Variants in SMIM29 observed in about 807,000 individuals in gnomAD.
The protein encoded by SMIM29 is small integral membrane protein 29.
Under a neutral mutation model 12.9 loss-of-function variants are expected in SMIM29, and 4 were observed. The observed-to-expected ratio is 0.31, with a 90% CI of 0.15 to 0.71. The LOEUF is 0.71. SMIM29 is among the 30% of genes least tolerant of loss of function. SMIM29 has a pLI of 0.70. For missense variants in SMIM29, 122 were observed against 138.1 expected (o/e 0.88, Z 0.58); for synonymous variants, 50 against 52.0 (o/e 0.96, Z 0.17).
intron 3 of SMIM29, 63 bp from the exon 4 acceptor site, chr6:34,247,212 G>A: frequency 6.8e-7 from 1 of 1,462,844 alleles, no homozygotes; most frequent in Non-Finnish European, 9.0e-7. Flanking sequence ...ACACCTGGCT[G>A]CCTCGTCTCC....
rs760927465 is a variant in SMIM29 at position 34,246,627 on chromosome 6, G to T, written c.*176C>A. The stretch of plus-strand genomic sequence containing the variant: ...ACACCCACAAAGGGCAGAAGGCCTG[G>T]GGGCAGTGAGGTGATGGTGAGGGCA... On this transcript the variant is annotated 3_prime_UTR_variant, in exon 5 of 5. Coordinates refer to ENST00000476320, the MANE Select transcript of SMIM29 (RefSeq NM_001008703.4). 1.4e-5 allele frequency: 22 copies of T among 1,613,818 alleles called. No homozygotes were observed. The African/African-American group carries it at 2.7e-4, about 20-fold the overall frequency.
Position 34,246,428 on chromosome 6 carries a change from C to T in SMIM29, c.*375G>A, listed in dbSNP as rs1039910002. On this transcript the variant is annotated 3_prime_UTR_variant, in exon 5 of 5. Transcript: ENST00000476320. ...AAACATTTTATTTACAAAATATATA[C>T]TGAATACTATACATCTGGCCCCATC... 7.2e-6 allele frequency: 10 copies of T among 1,393,262 alleles called. No homozygotes were observed. The East Asian group carries it at 7.3e-5, about 10-fold the overall frequency. The allele number at this position is 1,393,262 out of a possible 1,614,324, so 86.3% of individuals were successfully genotyped here. A position where few individuals can be genotyped will look rare whatever the true frequency, so the allele number is the denominator to read the frequency against.
rs557251983 is a variant in SMIM29 at position 34,247,851 on chromosome 6, C to T, written c.-60G>A. On this transcript the variant is annotated 5_prime_UTR_variant, in exon 2 of 5. Transcript: ENST00000476320. ...GGGCAGTGGCGCTTCGGGAGGGCGC[C>T]TCCACTGGGCTCCCTGGGAAGGAGG... 7.9e-7 allele frequency: 1 copy of T among 1,260,298 alleles called. No individual in the cohort carries two copies. Among genetic ancestry groups the T allele is most frequent in the Admixed American group, 4.0e-5 (1 of 24,998 alleles). The allele number at this position is 1,260,298 out of a possible 1,614,324, so 78.1% of individuals were successfully genotyped here.
At chr6:34,246,943 G>C (rs1033793365) in intron 4 of SMIM29, 75 bp from the exon 5 acceptor site, 14 of 1,602,964 alleles carry the variant, frequency 8.7e-6, no homozygotes, top group Non-Finnish European at 1.1e-5. Flanking sequence ...TACAGCCCAA[G>C]TAAGCAGAAC....
rs766433211 is a variant in SMIM29, at chr6:34,246,630, G to C, written c.*173C>G. On this transcript the variant is annotated 3_prime_UTR_variant, in exon 5 of 5. Transcript: ENST00000476320. Reference sequence around the variant, plus strand: ...CCCACAAAGGGCAGAAGGCCTGGGGGCAGTGAGGTGATGGTGAGGGCATGG... The same window carrying C: ...CCCACAAAGGGCAGAAGGCCTGGGGCCAGTGAGGTGATGGTGAGGGCATGG... The C allele has an allele frequency of 1.2e-6, 2 of 1,613,852 alleles. No individual in the cohort carries two copies. The highest frequency in any genetic ancestry group is 2.7e-5 in the African/African-American group (2 of 74,946).
intron 1 of SMIM29, chr6:34,248,612 C>T: frequency 6.1e-6 from 6 of 985,610 alleles, no homozygotes; most frequent in Non-Finnish European, 7.2e-6. Flanking sequence ...GGGCAGTTTG[C>T]ACGCTGATGG....
At chr6:34,246,976 C>T (rs1285089767) in intron 4 of SMIM29, 68 bp downstream of exon 4, 11 of 1,610,904 alleles carry the variant, frequency 6.8e-6, no homozygotes, top group South Asian at 3.3e-5. Flanking sequence ...TCAGTGTGGA[C>T]GAGTATGGCT....
At position 34,246,727 on chromosome 6, in the gene SMIM29, C is replaced by T. The variant is rs749069521; in HGVS notation, c.*76G>A. The T allele has an allele frequency of 1.9e-6, 3 of 1,613,744 alleles. No homozygotes were observed. Among genetic ancestry groups the T allele is most frequent in the East Asian group, 2.2e-5 (1 of 44,882 alleles). On this transcript the variant is annotated 3_prime_UTR_variant, in exon 5 of 5. Transcript: ENST00000476320. Reference sequence around the variant, plus strand: ...GCACCCAGCAGGGGGAGCCAGGTGACAGCAGGGGAAGCAGATGGCAGGGCC... The same window carrying T: ...GCACCCAGCAGGGGGAGCCAGGTGATAGCAGGGGAAGCAGATGGCAGGGCC...
chr6:34,246,902 C>G (rs749388885), intron 4 of SMIM29, 34 bp from the exon 5 acceptor site: 8 of 1,597,328 alleles, frequency 5.0e-6, no homozygotes, highest in Non-Finnish European at 6.0e-6. Context: ...CAAGGCTGGG[C>G]TGTGTTCCCT....
intron 3 of SMIM29, 119 bp from the exon 4 acceptor site, chr6:34,247,268 A>C (rs1762835550): frequency 1.3e-6 from 2 of 1,571,238 alleles, no homozygotes; most frequent in East Asian, 2.3e-5. Flanking sequence ...CTTTTGGGAC[A>C]CACTATACCT....
In SMIM29 at chr6:34,247,495, G is replaced by A; in HGVS notation, c.112-3C>T. The A allele has an allele frequency of 1.3e-6, 2 of 1,575,986 alleles. No homozygotes were observed. The highest frequency in any genetic ancestry group is 1.2e-5 in the South Asian group (1 of 85,606). On this transcript the variant is annotated splice_region_variant and splice_polypyrimidine_tract_variant and intron_variant, in intron 2 of 4. Coordinates refer to ENST00000476320, the MANE Select transcript of SMIM29 (RefSeq NM_001008703.4). ...TTTTTCTTCTGTACATACATTACCT[G>A]CAACAGAGACACAGCACTGTGGGGG...
At position 34,247,784 on chromosome 6, in the gene SMIM29, T is replaced by A. The variant is rs901436435; in HGVS notation, c.8A>T (p.Asn3Ile). MS[N>I]TTVPNAPQAN... ...CTGGGGGGCATTGGGCACAGTGGTG[T>A]TACTCATGACATCAGCAGCCGGAGG... Residue 3 changes from asparagine (N) to isoleucine (I), a missense_variant, in exon 2 of 5, where the codon AAC (asparagine) becomes ATC (isoleucine). Coordinates refer to ENST00000476320, the MANE Select transcript of SMIM29 (RefSeq NM_001008703.4). The A allele has an allele frequency of 7.6e-7, 1 of 1,315,136 alleles. No individual in the cohort carries two copies. The highest frequency in any genetic ancestry group is 1.5e-5 in the African/African-American group (1 of 65,900). 81.5% of individuals were successfully genotyped at this position (1,315,136 alleles called of 1,614,324 possible).
In SMIM29 at chr6:34,246,648, G is replaced by A; in HGVS notation, c.*155C>T. The stretch of plus-strand genomic sequence containing the variant: ...CCTGGGGGCAGTGAGGTGATGGTGA[G>A]GGCATGGGAAGCAGATGCTGCTGAG... On this transcript the variant is annotated 3_prime_UTR_variant, in exon 5 of 5. Coordinates refer to ENST00000476320, the MANE Select transcript of SMIM29 (RefSeq NM_001008703.4). 2 of 1,614,034 alleles carry A rather than the reference G, an allele frequency of 1.2e-6. No homozygotes were observed. The highest frequency in any genetic ancestry group is 1.7e-6 in the Non-Finnish European group (2 of 1,180,000).
chr6:34,247,253 G>C (rs918720660), intron 3 of SMIM29, 104 bp from the exon 4 acceptor site: 1 of 1,587,532 alleles, frequency 6.3e-7, no homozygotes, highest in African/African-American at 1.3e-5. Context: ...AATTCCAGTG[G>C]GTGCCTTTTG....
At chr6:34,248,521 G>A in intron 1 of SMIM29, 4 of 985,140 alleles carry the variant, frequency 4.1e-6, no homozygotes, top group Non-Finnish European at 4.8e-6. Context: ...CTCCGCCCAG[G>A]TCCCTCCCCT....
chr6:34,247,412 C>A, intron 3 of SMIM29, 55 bp downstream of exon 3: 1 of 1,524,852 alleles, frequency 6.6e-7, no homozygotes, highest in African/African-American at 1.4e-5. Flanking sequence ...AGCCTATGAG[C>A]AGGAATTTCA....
At position 34,247,005 on chromosome 6, in the gene SMIM29, C is replaced by T. The variant is rs370960321; in HGVS notation, c.243+39G>A. 4.8e-5 allele frequency: 78 copies of T among 1,613,614 alleles called. No individual in the cohort carries two copies. In the Middle Eastern group the frequency reaches 6.6e-4, roughly 14 times the overall value. ...TATGGCTGGGAACAGGGCTGACTCCCACCTTGCCTCATTCTCCCCCTGGCC... is the reference window on the plus strand; with the variant it reads ...TATGGCTGGGAACAGGGCTGACTCCTACCTTGCCTCATTCTCCCCCTGGCC... On this transcript the variant is annotated intron_variant, in intron 4 of 4. Coordinates refer to ENST00000476320, the MANE Select transcript of SMIM29 (RefSeq NM_001008703.4).
Position 34,246,436 on chromosome 6 carries a change from T to G in SMIM29, c.*367A>C. The G allele has an allele frequency of 2.8e-6, 4 of 1,439,094 alleles. No individual in the cohort carries two copies. Among genetic ancestry groups the G allele is most frequent in the Non-Finnish European group, 3.7e-6 (4 of 1,071,126 alleles). 89.1% of individuals were successfully genotyped at this position (1,439,094 alleles called of 1,614,324 possible). A position where few individuals can be genotyped will look rare whatever the true frequency, so the allele number is the denominator to read the frequency against. On this transcript the variant is annotated 3_prime_UTR_variant, in exon 5 of 5. Transcript: ENST00000476320. ...TATTTACAAAATATATACTGAATAC[T>G]ATACATCTGGCCCCATCACCATGGA...
Position 34,246,550 on chromosome 6 carries a change from C to G in SMIM29, c.*253G>C, listed in dbSNP as rs1581822493. ...AAAGGTGTCTACCAGCCGCCCCCAT[C>G]CCAGAAGGAAAGCCTCTTCCCATGA... On this transcript the variant is annotated 3_prime_UTR_variant, in exon 5 of 5. Coordinates refer to ENST00000476320, the MANE Select transcript of SMIM29 (RefSeq NM_001008703.4). The G allele has an allele frequency of 8.2e-6, 13 of 1,578,294 alleles. No individual in the cohort carries two copies. In the East Asian group the frequency reaches 2.7e-4, roughly 33 times the overall value.
Sources: allele counts gnomAD v4.1 joint callset, GRCh38; gene constraint gnomAD v4.1.1; transcripts MANE v1.5; gene names NCBI Gene and HGNC (gene_info 2026-07-23, HGNC 2026-07-21).